Variants in MIPOL1 observed in about 807,000 individuals in gnomAD.
MIPOL1 encodes mirror-image polydactyly gene 1 protein.
Under a neutral mutation model 60.9 loss-of-function variants are expected in MIPOL1, and 57 were observed. The ratio of observed to expected loss-of-function variants is 0.94; its 90% CI spans 0.76 to 1.17. The LOEUF is 1.17. Among genes scored for constraint, MIPOL1 ranks in the 50% most tolerant of loss-of-function variants. MIPOL1 has a pLI of 0.00. For missense variants in MIPOL1, 551 were observed against 511.6 expected (o/e 1.08, Z -0.74); for synonymous variants, 179 against 168.8 (o/e 1.06, Z -0.47).
chr14:37,366,865 C>A (rs1245968801), intron 9 of MIPOL1, among the ~76,000 whole-genome samples: 2 of 151,986 alleles, frequency 1.3e-5, no homozygotes, highest in Non-Finnish European at 2.9e-5. Flanking sequence ...AAAATTGCTG[C>A]ATCCTCTTGC....
intron 10 of MIPOL1, among the ~76,000 whole-genome samples, chr14:37,370,930 G>A (rs1159645828): frequency 6.6e-6 from 1 of 152,086 alleles, no homozygotes; most frequent in Non-Finnish European, 1.5e-5. Flanking sequence ...GTCAGTGTTA[G>A]GGGACAGATT....
intron 12 of MIPOL1, among the ~76,000 whole-genome samples, chr14:37,516,546 T>C (rs2095370686): frequency 6.6e-6 from 1 of 152,218 alleles, no homozygotes; most frequent in African/African-American, 2.4e-5. Context: ...TCAAATGTTT[T>C]ATTCTCAGAA....
At chr14:37,477,742 A>C (rs1450983324) in intron 11 of MIPOL1, among the ~76,000 whole-genome samples, 1 of 152,152 alleles carries the variant, frequency 6.6e-6, no homozygotes, top group Non-Finnish European at 1.5e-5. Context: ...ATTCAGCTGC[A>C]ATATATCTTT....
At chr14:37,270,649 T>TTC (rs2083234822) in intron 6 of MIPOL1, 124 bp downstream of exon 6, 1 of 453,946 alleles carries the variant, frequency 2.2e-6, no homozygotes, top group East Asian at 3.7e-5. Flanking sequence ...TCCTTTTTTT[T>TTC]TTTTTTTTTT....
intron 11 of MIPOL1, among the ~76,000 whole-genome samples, chr14:37,424,946 T>C (rs113434613): frequency 0.019 from 2,821 of 152,312 alleles, 44 homozygotes; most frequent in Non-Finnish European, 0.028. Context: ...AAAATTCCTT[T>C]ATGCAGCCAA....
chr14:37,480,330 A>G (rs28785569), intron 11 of MIPOL1, among the ~76,000 whole-genome samples: 1 of 152,186 alleles, frequency 6.6e-6, no homozygotes. Flanking sequence ...ACCAAATTCA[A>G]CAACACATTA....
intron 9 of MIPOL1, among the ~76,000 whole-genome samples, chr14:37,335,039 A>G (rs998272457): frequency 6.6e-5 from 10 of 152,036 alleles, no homozygotes; most frequent in Non-Finnish European, 7.4e-5. Flanking sequence ...TTTGAAGTGG[A>G]ATTGCTAGAT....
intron 10 of MIPOL1, among the ~76,000 whole-genome samples, chr14:37,386,786 G>A (rs1371583580): frequency 6.6e-6 from 1 of 151,844 alleles, no homozygotes; most frequent in Admixed American, 6.6e-5. Flanking sequence ...CACCATGTTA[G>A]GTGTTAAAAG....
chr14:37,225,756 T>C (rs1347877400), intron 1 of MIPOL1, among the ~76,000 whole-genome samples: 1 of 152,210 alleles, frequency 6.6e-6, no homozygotes, highest in African/African-American at 2.4e-5. Context: ...TGCAGTCGGC[T>C]TGAATTTCTC....
intron 1 of MIPOL1, among the ~76,000 whole-genome samples, chr14:37,229,526 G>GAATTAACATTACAGAGTAGCAGACC (rs1221081318): frequency 1.3e-5 from 2 of 152,092 alleles, no homozygotes; most frequent in Admixed American, 1.3e-4. Context: ...TTGGTTATAT[G>GAATTAACATTACAGAGTAGCAGACC]AATTAACATT....
intron 9 of MIPOL1, among the ~76,000 whole-genome samples, chr14:37,315,029 A>G (rs1039550207): frequency 6.6e-6 from 1 of 152,202 alleles, no homozygotes; most frequent in Non-Finnish European, 1.5e-5. Flanking sequence ...AAACAAATAA[A>G]TAAAGTACTT....
At chr14:37,482,870 T>A (rs2094892181) in intron 11 of MIPOL1, among the ~76,000 whole-genome samples, 1 of 152,152 alleles carries the variant, frequency 6.6e-6, no homozygotes, top group Non-Finnish European at 1.5e-5. Context: ...CAGCTGTCCC[T>A]CAGTATCTGT....
chr14:37,349,091 C>T (rs1006285852), intron 9 of MIPOL1, among the ~76,000 whole-genome samples: 1 of 145,072 alleles, frequency 6.9e-6, no homozygotes, highest in Non-Finnish European at 1.5e-5. Flanking sequence ...CAGGTTCAAG[C>T]GATTCTCCTG....
chr14:37,409,075 A>G (rs915376016), intron 10 of MIPOL1, among the ~76,000 whole-genome samples: 11 of 152,136 alleles, frequency 7.2e-5, no homozygotes, highest in African/African-American at 4.8e-5. Context: ...CTCCTGCATT[A>G]TTTCAGGCCT....
chr14:37,409,613 C>A (rs2093648745), intron 10 of MIPOL1, among the ~76,000 whole-genome samples: 1 of 152,046 alleles, frequency 6.6e-6, no homozygotes, highest in African/African-American at 2.4e-5. Context: ...TGGTGAAACC[C>A]CGTCTCTTAT....
intron 9 of MIPOL1, among the ~76,000 whole-genome samples, chr14:37,361,994 G>A (rs1294895454): frequency 6.6e-6 from 1 of 151,954 alleles, no homozygotes; most frequent in Admixed American, 6.6e-5. Flanking sequence ...TTTGTTTTGA[G>A]CTATGTGTGT....
intron 10 of MIPOL1, among the ~76,000 whole-genome samples, chr14:37,371,740 G>A (rs1166082266): frequency 6.6e-6 from 1 of 151,766 alleles, no homozygotes. Context: ...CTGAAAATTA[G>A]GTCAATTATA....
chr14:37,496,187 C>T (rs1301415021), intron 11 of MIPOL1, among the ~76,000 whole-genome samples: 1 of 149,926 alleles, frequency 6.7e-6, no homozygotes, highest in African/African-American at 2.5e-5. Context: ...AACCCACAGC[C>T]AATATCATAC....
At chr14:37,236,454 T>G (rs56266922) in intron 1 of MIPOL1, among the ~76,000 whole-genome samples, 3,230 of 151,918 alleles carry the variant, frequency 0.021, 97 homozygotes, top group African/African-American at 0.072. Flanking sequence ...TTATTATTAT[T>G]ATTATTTTTG....
Sources: gnomAD v4.1 joint callset for allele counts (sites outside exome capture counted in the v4.1 genomes callset) on GRCh38, gnomAD v4.1.1 for gene constraint, MANE v1.5 for transcripts, NCBI Gene and HGNC (gene_info 2026-07-23, HGNC 2026-07-21) for gene names.